The following PTCH2 variants were observed in gnomAD, a reference collection of about 807,000 sequenced individuals.
The protein encoded by PTCH2 is patched 2.
In PTCH2, 96 loss-of-function variants were observed where a neutral mutation model predicts 117.9. The observed-to-expected ratio is 0.81, with a 90% CI of 0.69 to 0.96. The LOEUF (loss-of-function observed/expected upper bound fraction) is 0.96. Ranked by LOEUF, PTCH2 falls within the 50% of genes least tolerant of loss-of-function variation. PTCH2 has a pLI of 0.00. For missense variants in PTCH2, 1,379 were observed against 1,562.5 expected (o/e 0.88, Z 1.98); for synonymous variants, 615 against 660.9 (o/e 0.93, Z 1.06).
rs1358184454 is a variant in PTCH2, at chr1:44,822,494, G to A, written c.3533C>T (p.Pro1178Leu). 2 of 1,614,014 alleles carry A rather than the reference G, an allele frequency of 1.2e-6. No homozygotes were observed. The highest frequency in any genetic ancestry group is 2.7e-5 in the African/African-American group (2 of 75,050). The change falls in exon 22 of 22, where the codon CCT (proline) becomes CTT (leucine). Residue 1178 changes from proline to leucine, a missense_variant. Pro to Leu is a moderately conservative substitution (Grantham distance 98). Transcript: ENST00000372192. ...PLPGAYIHPA[P>L]DEPPWSPAAT... The stretch of plus-strand genomic sequence containing the variant: ...AGCAGGGGACCAAGGGGGCTCATCA[G>A]GGGCTGGATGGATGTAGGCACCAGG...
chr1:44,837,266 TA>T (rs549379201), intron 2 of PTCH2, among the ~76,000 whole-genome samples: 38 of 152,210 alleles, frequency 2.5e-4, no homozygotes, highest in African/African-American at 8.9e-4. Context: ...TTTATTTATA[TA>T]TTTTTTTGAG....
chr1:44,829,460 A>T lies in PTCH2; in HGVS notation c.1157T>A (p.Ile386Asn), dbSNP rs1653327590. 3 of 1,614,100 alleles carry T rather than the reference A, an allele frequency of 1.9e-6. No homozygotes were observed. The African/African-American group carries it at 4.0e-5, about 22-fold the overall frequency. Residue 386 changes from isoleucine (I) to asparagine (N), a missense_variant, in exon 9 of 22, where the codon ATC (isoleucine) becomes AAC (asparagine). By Grantham distance (149) the Ile-to-Asn change is moderately radical. Coordinates refer to ENST00000372192, the MANE Select transcript of PTCH2 (RefSeq NM_003738.5). ...ACTGACTTCAGAGAACGCATGCAGG[A>T]TGTCATCCAGGGTGGTGGAGGAGAA... ...HAFSSTTLDD[I>N]LHAFSEVSAA...
chr1:44,825,390 G>A (rs1055588393), intron 19 of PTCH2, among the ~76,000 whole-genome samples: 2 of 151,100 alleles, frequency 1.3e-5, no homozygotes, highest in South Asian at 2.1e-4. Flanking sequence ...TGCCCACCTC[G>A]GCTTCCCAAA....
In PTCH2 at chr1:44,822,224, C is replaced by T. The variant is rs1414214937; in HGVS notation, c.*191G>A. Reference sequence around the variant, plus strand: ...CTCAAGTGACACAGATACAGGCTCACACAGGCCTGGATGTGCAAATCGGTG... The same window carrying T: ...CTCAAGTGACACAGATACAGGCTCATACAGGCCTGGATGTGCAAATCGGTG... On this transcript the variant is annotated 3_prime_UTR_variant, in exon 22 of 22. Coordinates refer to ENST00000372192, the MANE Select transcript of PTCH2 (RefSeq NM_003738.5). 4.7e-6 allele frequency: 7 copies of T among 1,478,128 alleles called. No homozygotes were observed. In the East Asian group the frequency reaches 1.7e-4, roughly 36 times the overall value. The allele number at this position is 1,478,128 out of a possible 1,614,324, so 91.6% of individuals were successfully genotyped here. A position where few individuals can be genotyped will look rare whatever the true frequency, so the allele number is the denominator to read the frequency against.
At chr1:44,841,041 G>T (rs988336780) in intron 2 of PTCH2, among the ~76,000 whole-genome samples, 1 of 150,620 alleles carries the variant, frequency 6.6e-6, no homozygotes, top group Non-Finnish European at 1.5e-5. Context: ...TGTGTTGGTG[G>T]GCACCTGTGA....
At chr1:44,830,804 G>A (rs1054735166) in intron 6 of PTCH2, 44 bp downstream of exon 6, 10 of 1,500,386 alleles carry the variant, frequency 6.7e-6, no homozygotes, top group Non-Finnish European at 9.0e-6. Context: ...GAAGGGAAAG[G>A]GAAGGAAAAC....
intron 2 of PTCH2, among the ~76,000 whole-genome samples, chr1:44,837,905 T>G (rs1198226185): frequency 2.0e-5 from 3 of 151,814 alleles, no homozygotes; most frequent in Non-Finnish European, 4.4e-5. Flanking sequence ...GGTGGAACCC[T>G]GTCTCTACTA....
chr1:44,833,678 C>T (rs182546194), intron 2 of PTCH2, among the ~76,000 whole-genome samples: 1 of 152,172 alleles, frequency 6.6e-6, no homozygotes, highest in Admixed American at 6.5e-5. Context: ...CTCACTGCAA[C>T]GTCTGTCTCC....
At chr1:44,832,066 G>A (rs1375903950) in intron 3 of PTCH2, 22 bp from the exon 4 acceptor site, 6 of 1,612,542 alleles carry the variant, frequency 3.7e-6, no homozygotes, top group Non-Finnish European at 5.1e-6. Flanking sequence ...AGGGGCATAG[G>A]AGATCAGCAG....
rs957463465 is a variant in PTCH2 at position 44,842,941 on chromosome 1, G to A, written c.-9C>T. On this transcript the variant is annotated 5_prime_UTR_variant, in exon 1 of 22. Coordinates refer to ENST00000372192, the MANE Select transcript of PTCH2 (RefSeq NM_003738.5). ...GGCGGCGATCGAGTCATGCTGGCGG[G>A]GATGGGGGGCGCGGGCGCCCCCAAC... 1.3e-6 allele frequency: 2 copies of A among 1,537,674 alleles called. No homozygotes were observed. The highest frequency in any genetic ancestry group is 1.8e-6 in the Non-Finnish European group (2 of 1,142,672).
chr1:44,840,031 T>C (rs374756446), intron 2 of PTCH2, among the ~76,000 whole-genome samples: 1 of 151,680 alleles, frequency 6.6e-6, no homozygotes, highest in South Asian at 2.1e-4. Flanking sequence ...AAAAACAGAC[T>C]GGAGTTTGAC....
Position 44,834,834 on chromosome 1 carries a change from C to A in PTCH2, c.266-2493G>T, listed in dbSNP as rs1177531388. 2.0e-5 allele frequency among the ~76,000 whole-genome samples: 3 copies of A among 152,156 alleles called. No homozygotes were observed. The South Asian group carries it at 6.2e-4, about 32-fold the overall frequency. ...AGTTATTCTCTCTGGGTCTCCAGCTCCTCATCTGTCAAACAGAAACAGTGA... is the reference window on the plus strand; with the variant it reads ...AGTTATTCTCTCTGGGTCTCCAGCTACTCATCTGTCAAACAGAAACAGTGA... On this transcript the variant is annotated intron_variant, in intron 2 of 21. Transcript: ENST00000372192.
chr1:44,829,358 G>A, intron 9 of PTCH2, 44 bp downstream of exon 9: 1 of 1,613,994 alleles, frequency 6.2e-7, no homozygotes, highest in African/African-American at 1.3e-5. Context: ...GGTGGGCACT[G>A]GTTGGAGGTG....
At chr1:44,833,409 G>A (rs1216271022) in intron 2 of PTCH2, among the ~76,000 whole-genome samples, 1 of 151,596 alleles carries the variant, frequency 6.6e-6, no homozygotes, top group Non-Finnish European at 1.5e-5. Flanking sequence ...AGCCCCATCT[G>A]AGATCGTCAT....
Position 44,826,861 on chromosome 1 carries a change from G to C in PTCH2, c.2695+41C>G. On this transcript the variant is annotated intron_variant, in intron 17 of 21. Transcript: ENST00000372192. This position sits in a 1 kb window ranked among gnomAD's most constrained non-coding sequence, Gnocchi z 5.1. ...GGGCCTCAGGCTCAGGGCTTGTGTGGGCGAGGCTGAGGCTCTTGCCGAGCT... is the reference window on the plus strand; with the variant it reads ...GGGCCTCAGGCTCAGGGCTTGTGTGCGCGAGGCTGAGGCTCTTGCCGAGCT... 1.2e-6 allele frequency: 2 copies of C among 1,613,340 alleles called. No individual in the cohort carries two copies.
At chr1:44,828,230 G>C in intron 13 of PTCH2, 39 bp from the exon 14 acceptor site, 4 of 1,612,828 alleles carry the variant, frequency 2.5e-6, no homozygotes, top group Non-Finnish European at 3.4e-6. Flanking sequence ...TCTGTGCCTT[G>C]AAATGCTGGT....
At position 44,829,315 on chromosome 1, in the gene PTCH2, G is replaced by A; in HGVS notation, c.1216-3C>T. The stretch of plus-strand genomic sequence containing the variant: ...ATGGTCACACAGGCATAGGCCAGCT[G>A]TGGGGGGAAAGGGCAGTCTCAGGGG... On this transcript the variant is annotated splice_polypyrimidine_tract_variant and splice_region_variant and intron_variant, in intron 9 of 21. Coordinates refer to ENST00000372192, the MANE Select transcript of PTCH2 (RefSeq NM_003738.5). 1 of 1,613,788 alleles carries A rather than the reference G, an allele frequency of 6.2e-7. No individual in the cohort carries two copies. Among genetic ancestry groups the A allele is most frequent in the Non-Finnish European group, 8.5e-7 (1 of 1,180,012 alleles).
At chr1:44,841,172 C>T (rs1257282070) in intron 2 of PTCH2, among the ~76,000 whole-genome samples, 1 of 146,652 alleles carries the variant, frequency 6.8e-6, no homozygotes, top group African/African-American at 2.5e-5. Context: ...CTGTCTCAAA[C>T]AAACAAACAA....
downstream of PTCH2, chr1:44,820,165 G>A (rs1301971978): frequency 2.9e-6 from 1 of 350,080 alleles, no homozygotes; most frequent in Admixed American, 3.8e-5. Flanking sequence ...CAGAGGGAGT[G>A]CAAGCATCTT....
Sources: allele counts gnomAD v4.1 joint callset (sites outside exome capture counted in the v4.1 genomes callset), GRCh38; gene constraint gnomAD v4.1.1; non-coding constraint Gnocchi (gnomAD v3.1); transcripts MANE v1.5; gene names NCBI Gene and HGNC (gene_info 2026-07-23, HGNC 2026-07-21).